PDE1C: variants seen among roughly 807,000 people sequenced by gnomAD.
The protein encoded by PDE1C is phosphodiesterase 1C.
PDE1C carries 62 observed loss-of-function variants against 93.1 expected under a neutral mutation model. That is an observed-to-expected ratio of 0.67 (90% CI 0.54 to 0.82). The LOEUF is 0.82. Ranked by LOEUF, PDE1C falls within the 40% of genes least tolerant of loss-of-function variation. The pLI is 0.00. For synonymous variants in PDE1C, 325 were observed against 310.1 expected, an observed-to-expected ratio of 1.05 and a Z score of -0.50; for missense variants, 742 against 884.6, an observed-to-expected ratio of 0.84 and a Z score of 2.04.
At chr7:31,664,849 G>C in the PDE1C span, among the ~76,000 whole-genome samples, 29 of 152,314 alleles carry the variant, frequency 1.9e-4, no homozygotes, top group African/African-American at 7.0e-4. Context: ...TCATAATGTA[G>C]TATCATAATA....
At chr7:31,688,730 G>C in the PDE1C span, among the ~76,000 whole-genome samples, 1 of 152,212 alleles carries the variant, frequency 6.6e-6, no homozygotes, top group African/African-American at 2.4e-5. Flanking sequence ...ATTAGTAAGA[G>C]GAAGTTACAA....
chr7:32,206,730 C>A (rs1297677260), intron 2 of PDE1C, among the ~76,000 whole-genome samples: 1 of 152,252 alleles, frequency 6.6e-6, no homozygotes, highest in African/African-American at 2.4e-5. Context: ...GCTCACCCTG[C>A]CCACTGCAGA....
chr7:31,789,236 G>A (rs573325664), intron 16 of PDE1C: 2 of 152,230 alleles, frequency 1.3e-5, no homozygotes, highest in South Asian at 2.1e-4. Flanking sequence ...TCTCAAGGGG[G>A]CTGCAATGTT....
chr7:31,982,239 G>T (rs909369258), intron 2 of PDE1C, among the ~76,000 whole-genome samples: 1 of 152,208 alleles, frequency 6.6e-6, no homozygotes, highest in Non-Finnish European at 1.5e-5. Context: ...TGTTGTCACT[G>T]ATGTTACACC....
the PDE1C span, among the ~76,000 whole-genome samples, chr7:31,693,943 A>C: frequency 9.2e-5 from 14 of 152,236 alleles, no homozygotes; most frequent in African/African-American, 3.1e-4. Context: ...GGCCATACTT[A>C]GAGTGTCCAA....
rs545903064 is a variant in PDE1C, at chr7:32,066,365, G to A, written c.101+3928C>T. On this transcript the variant is annotated intron_variant, in intron 1 of 17. Transcript: ENST00000396191. ...ATTCTCTTGCCTTTATATTAATAAT[G>A]TTACTTTAGGTAATGCAAAAAAGCA... Among the ~76,000 whole-genome samples the A allele has an allele frequency of 3.3e-5, 5 of 152,250 alleles. No homozygotes were observed. In the South Asian group the frequency reaches 1.0e-3, roughly 32 times the overall value.
chr7:32,233,780 A>C (rs1162538338), intron 1 of PDE1C, among the ~76,000 whole-genome samples: 2 of 152,146 alleles, frequency 1.3e-5, no homozygotes, highest in Non-Finnish European at 2.9e-5. Flanking sequence ...ATGATTAACC[A>C]GAAAATTAGC....
At chr7:31,731,621 C>A in the PDE1C span, among the ~76,000 whole-genome samples, 1 of 152,172 alleles carries the variant, frequency 6.6e-6, no homozygotes, top group South Asian at 2.1e-4. Context: ...AACTCCTGAC[C>A]TCGTGATCCA....
intron 1 of PDE1C, among the ~76,000 whole-genome samples, chr7:32,237,299 G>A (rs1040459826): frequency 5.5e-5 from 8 of 145,772 alleles, no homozygotes; most frequent in African/African-American, 2.1e-4. Context: ...GCGTTAGCTA[G>A]GATGGTCTCG....
chr7:32,206,047 G>T (rs1339792616), intron 2 of PDE1C, among the ~76,000 whole-genome samples: 2 of 152,160 alleles, frequency 1.3e-5, no homozygotes, highest in Non-Finnish European at 2.9e-5. Flanking sequence ...CTAGGATCAA[G>T]GTGTGGAAAA....
the PDE1C span, among the ~76,000 whole-genome samples, chr7:31,673,326 T>C: frequency 2.0e-5 from 3 of 151,948 alleles, no homozygotes; most frequent in African/African-American, 7.3e-5. Context: ...TCCTTACCAT[T>C]TGGGCCAAGT....
At chr7:31,618,267 ACAATACAAC>A in the PDE1C span, among the ~76,000 whole-genome samples, 2 of 152,178 alleles carry the variant, frequency 1.3e-5, no homozygotes. Flanking sequence ...TTCTCCCTAA[ACAATACAAC>A]CAATACCCCA....
chr7:31,788,658 T>G (rs1406844277), intron 16 of PDE1C: 1 of 152,186 alleles, frequency 6.6e-6, no homozygotes, highest in Non-Finnish European at 1.5e-5. Flanking sequence ...CTTTATTCAT[T>G]TACTTGACCT....
chr7:32,223,806 G>A (rs925629182), intron 1 of PDE1C, among the ~76,000 whole-genome samples: 1 of 152,158 alleles, frequency 6.6e-6, no homozygotes, highest in Admixed American at 6.5e-5. Context: ...TCCTGCGGGT[G>A]CTTGAGTCTC....
intron 16 of PDE1C, among the ~76,000 whole-genome samples, chr7:31,791,987 G>A (rs1784638115): frequency 1.3e-5 from 2 of 152,104 alleles, no homozygotes; most frequent in East Asian, 3.9e-4. Context: ...GTGTCAAGGG[G>A]TGAAGGGAAA....
intron 2 of PDE1C, among the ~76,000 whole-genome samples, chr7:32,184,081 G>A (rs1189830414): frequency 5.3e-5 from 8 of 152,168 alleles, no homozygotes; most frequent in South Asian, 2.1e-4. Context: ...AGAAATGCAA[G>A]TCAAAACTAC....
intron 2 of PDE1C, among the ~76,000 whole-genome samples, chr7:32,002,255 G>A (rs1205120804): frequency 6.6e-6 from 1 of 152,108 alleles, no homozygotes; most frequent in Admixed American, 6.5e-5. Context: ...ACATGTTCAT[G>A]GATTACAAAC....
At chr7:32,368,789 T>A (rs1265450153) in intron 1 of PDE1C, among the ~76,000 whole-genome samples, 1 of 152,056 alleles carries the variant, frequency 6.6e-6, no homozygotes, top group Non-Finnish European at 1.5e-5. Flanking sequence ...GGTACTGACA[T>A]AAAAGCAGAA....
intron 1 of PDE1C, among the ~76,000 whole-genome samples, chr7:32,293,578 A>C (rs748282362): frequency 6.6e-6 from 1 of 151,996 alleles, no homozygotes; most frequent in Non-Finnish European, 1.5e-5. Flanking sequence ...TAAGGATCTT[A>C]CTCCCCATTT....
Sources: allele counts gnomAD v4.1 joint callset (sites outside exome capture counted in the v4.1 genomes callset), GRCh38; gene constraint gnomAD v4.1.1; transcripts MANE v1.5; gene names NCBI Gene and HGNC (gene_info 2026-07-23, HGNC 2026-07-21).